Variants in TCHP observed in about 807,000 individuals in gnomAD.
TCHP encodes the protein trichoplein keratin filament binding, also known as trichoplein keratin filament-binding protein.
A neutral mutation model predicts 88.7 loss-of-function variants in TCHP; 81 were observed. The ratio of observed to expected loss-of-function variants is 0.91; its 90% CI spans 0.76 to 1.10. The LOEUF is 1.10. Among genes scored for constraint, TCHP ranks in the 50% least tolerant of loss-of-function variants. The pLI is 0.00. For synonymous variants in TCHP, 232 were observed against 232.5 expected, an observed-to-expected ratio of 1.00 and a Z score of 0.02; for missense variants, 641 against 632.1, an observed-to-expected ratio of 1.01 and a Z score of -0.15.
At chr12:109,884,314 G>A in the TCHP span, among the ~76,000 whole-genome samples, 2 of 151,522 alleles carry the variant, frequency 1.3e-5, no homozygotes, top group Non-Finnish European at 2.9e-5. Context: ...TCAGCCTCCC[G>A]AGTAGCTGGG....
chr12:109,889,104 G>C, the TCHP span, among the ~76,000 whole-genome samples: 1 of 151,962 alleles, frequency 6.6e-6, no homozygotes, highest in Non-Finnish European at 1.5e-5. Flanking sequence ...TGAGGAGGGA[G>C]GATTGCTTGA....
chr12:109,889,730 A>G, the TCHP span, among the ~76,000 whole-genome samples: 1 of 152,316 alleles, frequency 6.6e-6, no homozygotes, highest in South Asian at 2.1e-4. Flanking sequence ...CCCTCGATGA[A>G]TGGTGTGGCT....
upstream of TCHP, among the ~76,000 whole-genome samples, chr12:109,896,516 T>A (rs966427250): frequency 1.3e-5 from 2 of 152,222 alleles, no homozygotes; most frequent in African/African-American, 4.8e-5. Context: ...CAAGAAATGC[T>A]CGTTCCTTTT....
In TCHP at chr12:109,903,986, C is replaced by T. The variant is rs1484028107; in HGVS notation, c.238C>T (p.Leu80=). The T allele has an allele frequency of 6.2e-7, 1 of 1,611,226 alleles. No individual in the cohort carries two copies. Among genetic ancestry groups the T allele is most frequent in the Non-Finnish European group, 8.5e-7 (1 of 1,178,974 alleles). The change falls in exon 3 of 13, where the codon CTG becomes TTG. Residue 80 remains leucine, a synonymous_variant. Transcript: ENST00000405876. This position sits in a 1 kb window ranked among gnomAD's most constrained non-coding sequence, Gnocchi z 4.6. ...EKMKEEKRRS[L]EARREKLRQL... is the part of the protein sequence containing the mutation. Reference sequence around the variant, plus strand: ...GATGAAGGAGGAGAAGAGGAGGAGTCTGGAGGCCCGACGGGAAAAGCTCAG... The same window carrying T: ...GATGAAGGAGGAGAAGAGGAGGAGTTTGGAGGCCCGACGGGAAAAGCTCAG...
chr12:109,883,505 C>T, the TCHP span, among the ~76,000 whole-genome samples: 28 of 152,228 alleles, frequency 1.8e-4, no homozygotes, highest in African/African-American at 6.7e-4. Context: ...CTGATAGGAT[C>T]CCAAGCCATC....
chr12:109,885,506 G>A, the TCHP span, among the ~76,000 whole-genome samples: 13 of 133,554 alleles, frequency 9.7e-5, no homozygotes, highest in South Asian at 2.3e-4. Flanking sequence ...TTTTTGAGAC[G>A]GAGTCTCGCT....
Position 109,903,099 on chromosome 12 carries a change from G to A in TCHP, c.73G>A (p.Glu25Lys). The A allele has an allele frequency of 6.2e-7, 1 of 1,614,082 alleles. No homozygotes were observed. The highest frequency in any genetic ancestry group is 8.5e-7 in the Non-Finnish European group (1 of 1,179,962). The change falls in exon 2 of 13, where the codon GAG becomes AAG. Residue 25 changes from glutamate to lysine, a missense_variant. Glu to Lys is a moderately conservative substitution (Grantham distance 56). Transcript: ENST00000405876. The surrounding 1 kb of genome is among the most constrained non-coding windows in gnomAD (Gnocchi z 4.6). ...GAATCAGCAGCTAGCACGACAGCGAGAGCAGGAGGCCCGGCTTCGGCAGCA... is the reference window on the plus strand; with the variant it reads ...GAATCAGCAGCTAGCACGACAGCGAAAGCAGGAGGCCCGGCTTCGGCAGCA... ...RLNQQLARQR[E>K]QEARLRQQWE...
the TCHP span, among the ~76,000 whole-genome samples, chr12:109,885,608 G>A: frequency 4.0e-5 from 6 of 149,908 alleles, no homozygotes; most frequent in South Asian, 2.1e-4. Context: ...TCAGCCTCCC[G>A]TATAGCTGGA....
At chr12:109,885,723 C>T in the TCHP span, among the ~76,000 whole-genome samples, 1 of 151,734 alleles carries the variant, frequency 6.6e-6, no homozygotes, top group Non-Finnish European at 1.5e-5. Context: ...CTTCCTGATC[C>T]GCCCTCCTCG....
upstream of TCHP, among the ~76,000 whole-genome samples, chr12:109,896,645 G>A (rs1471088312): frequency 2.6e-5 from 4 of 152,078 alleles, no homozygotes; most frequent in African/African-American, 9.7e-5. Flanking sequence ...ATTGAGGCCG[G>A]GCATGGTGGT....
chr12:109,914,760 T>C, intron 11 of TCHP, 133 bp downstream of exon 11: 1 of 682,228 alleles, frequency 1.5e-6, no homozygotes, highest in Non-Finnish European at 2.5e-6. Context: ...CCCGTTTCCA[T>C]CCCAGCTGCA....
chr12:109,914,292 C>G lies in TCHP; in HGVS notation c.1135-150C>G, dbSNP rs1399936958. 6.5e-5 allele frequency: 42 copies of G among 642,148 alleles called. 1 individual carries two copies. The Admixed American group carries it at 1.3e-3, about 19-fold the overall frequency. 39.8% of individuals were successfully genotyped at this position (642,148 alleles called of 1,614,324 possible). ...CGTGGCCGACATCGTGAGAGCAAAT[C>G]CTGTCATCTGGCTCTGCCTCTGCGT... On this transcript the variant is annotated intron_variant, in intron 10 of 12. Coordinates refer to ENST00000405876, the MANE Select transcript of TCHP (RefSeq NM_001143852.2).
In TCHP at chr12:109,903,261, C is replaced by A; in HGVS notation, c.188+47C>A. The A allele has an allele frequency of 6.4e-7, 1 of 1,560,240 alleles. No homozygotes were observed. The highest frequency in any genetic ancestry group is 1.2e-5 in the South Asian group (1 of 85,584). On this transcript the variant is annotated intron_variant, in intron 2 of 12. Coordinates refer to ENST00000405876, the MANE Select transcript of TCHP (RefSeq NM_001143852.2). This position sits in a 1 kb window ranked among gnomAD's most constrained non-coding sequence, Gnocchi z 4.6. ...ATTGGATGGAAGTGGGGACCACTTGCTGGTCAGGGGATGAGGCCTTAAGGA... is the reference window on the plus strand; with the variant it reads ...ATTGGATGGAAGTGGGGACCACTTGATGGTCAGGGGATGAGGCCTTAAGGA...
intron 3 of TCHP, 120 bp from the exon 4 acceptor site, chr12:109,904,617 T>C (rs1191217609): frequency 2.6e-6 from 2 of 772,080 alleles, no homozygotes; most frequent in Non-Finnish European, 4.3e-6. Flanking sequence ...GAACAGTGGT[T>C]GCAGTGACGG....
At chr12:109,907,436 G>A in intron 5 of TCHP, 90 bp from the exon 6 acceptor site, 4 of 1,363,270 alleles carry the variant, frequency 2.9e-6, no homozygotes, top group Non-Finnish European at 4.1e-6. Context: ...AACTGCCTGG[G>A]CCCTGTGGCC....
chr12:109,886,976 G>A, the TCHP span, among the ~76,000 whole-genome samples: 1 of 152,056 alleles, frequency 6.6e-6, no homozygotes, highest in Non-Finnish European at 1.5e-5. Context: ...CAAAGTGTTG[G>A]GATTACAGGC....
At chr12:109,885,124 A>G in the TCHP span, among the ~76,000 whole-genome samples, 1 of 151,990 alleles carries the variant, frequency 6.6e-6, no homozygotes, top group African/African-American at 2.4e-5. Flanking sequence ...ACCTGCCACC[A>G]CACCCTGTTA....
chr12:109,911,202 G>A lies in TCHP; in HGVS notation c.1019G>A (p.Arg340Gln), dbSNP rs150191186. 8.8e-5 allele frequency: 139 copies of A among 1,585,352 alleles called. No homozygotes were observed. Among genetic ancestry groups the A allele is most frequent in the African/African-American group, 8.6e-4 (64 of 74,634 alleles). The change falls in exon 9 of 13, where the codon CGG becomes CAG. Residue 340 changes from arginine to glutamine, a missense_variant. Transcript: ENST00000405876. ...ATTGAGGAGCAGCTGCAGCTGGAGC[G>A]GGCGCGGGAGGCAGAGCTGCAGATG... ...QAIEEQLQLE[R>Q]AREAELQMLL...
At chr12:109,901,732 T>G (rs1361410734) in intron 1 of TCHP, among the ~76,000 whole-genome samples, 1 of 152,248 alleles carries the variant, frequency 6.6e-6, no homozygotes, top group Non-Finnish European at 1.5e-5. Context: ...GTCCTTTTAA[T>G]TTTTGCATGT....
Sources: gnomAD v4.1 joint callset for allele counts (sites outside exome capture counted in the v4.1 genomes callset) on GRCh38, gnomAD v4.1.1 for gene constraint, Gnocchi (gnomAD v3.1) non-coding constraint, MANE v1.5 for transcripts, NCBI Gene and HGNC (gene_info 2026-07-23, HGNC 2026-07-21) for gene names.